Variants in OLFML2B observed in about 807,000 individuals in gnomAD.
OLFML2B encodes olfactomedin like 2B, also known as olfactomedin-like protein 2B.
Under a neutral mutation model 74.9 loss-of-function variants are expected in OLFML2B, and 57 were observed. That is an observed-to-expected ratio of 0.76 (90% CI 0.61 to 0.95). The LOEUF (loss-of-function observed/expected upper bound fraction) is 0.95, where lower values mean the gene tolerates loss of function less well. OLFML2B is among the 40% of genes least tolerant of loss of function. The pLI, the probability that OLFML2B is intolerant of heterozygous loss-of-function variation, is 0.00. For synonymous variants in OLFML2B, 388 were observed against 405.8 expected (o/e 0.96, Z 0.53); for missense variants, 986 against 970.6 (o/e 1.02, Z -0.21).
chr1:161,999,512 G>A (rs540285216), intron 5 of OLFML2B, among the ~76,000 whole-genome samples: 6 of 152,244 alleles, frequency 3.9e-5, no homozygotes, highest in African/African-American at 7.2e-5. Flanking sequence ...GGAAGGACTC[G>A]CTCAGACATA....
rs863224949 is a variant in OLFML2B, at chr1:161,984,911, C to A, written c.1544G>T (p.Gly515Val). The change falls in exon 7 of 8, where the codon GGG (glycine) becomes GTG (valine). Residue 515 changes from glycine (G) to valine (V), a missense_variant. Coordinates refer to ENST00000294794, the MANE Select transcript of OLFML2B (RefSeq NM_015441.3). The part of the protein sequence containing the change: ...TTQNTYGRNE[G>V]AWMKDPLAKD... ...GGCCAGGGGGTCCTTCATCCAGGCCCCTTCATTCCGCCCATATGTGTTCTG... is the reference window on the plus strand; with the variant it reads ...GGCCAGGGGGTCCTTCATCCAGGCCACTTCATTCCGCCCATATGTGTTCTG... 1.9e-6 allele frequency: 3 copies of A among 1,611,608 alleles called. No homozygotes were observed. Among genetic ancestry groups the A allele is most frequent in the Non-Finnish European group, 1.7e-6 (2 of 1,179,484 alleles).
At chr1:161,986,109 T>C (rs17452765) in intron 6 of OLFML2B, among the ~76,000 whole-genome samples, 31,222 of 152,044 alleles carry the variant, frequency 0.21, 3,385 homozygotes, top group African/African-American at 0.24. Context: ...GAGAGCCACA[T>C]GAATGCTGCC....
At chr1:162,004,964 C>T (rs1367438579) in intron 4 of OLFML2B, among the ~76,000 whole-genome samples, 2 of 152,252 alleles carry the variant, frequency 1.3e-5, no homozygotes, top group Admixed American at 1.3e-4. Context: ...CTCTTAAATG[C>T]TGCCATCCCC....
intron 3 of OLFML2B, among the ~76,000 whole-genome samples, chr1:162,006,971 A>G (rs1690253941): frequency 6.6e-6 from 1 of 152,254 alleles, no homozygotes; most frequent in South Asian, 2.1e-4. Flanking sequence ...CTGCCTTTTT[A>G]GTGAGCACAA....
intron 5 of OLFML2B, 141 bp downstream of exon 5, chr1:161,999,972 T>G: frequency 1.5e-6 from 1 of 678,790 alleles, no homozygotes; most frequent in Non-Finnish European, 2.5e-6. Flanking sequence ...CAGTGAGAGC[T>G]CTGGATAACA....
Position 162,000,395 on chromosome 1 carries a change from G to A in OLFML2B, c.724-57C>T, listed in dbSNP as rs1558060168. ...AGGTCACTGGTCAGAGAGGCAGTGG[G>A]CAGGTGGGGGCAAGGCTGGAGCCAA... On this transcript the variant is annotated intron_variant, in intron 4 of 7. Coordinates refer to ENST00000294794, the MANE Select transcript of OLFML2B (RefSeq NM_015441.3). The A allele has an allele frequency of 4.8e-6, 7 of 1,443,510 alleles. No individual in the cohort carries two copies. The South Asian group carries it at 5.9e-5, about 12-fold the overall frequency. 89.4% of individuals were successfully genotyped at this position (1,443,510 alleles called of 1,614,324 possible).
chr1:162,007,273 C>A (rs746096983), intron 3 of OLFML2B, among the ~76,000 whole-genome samples: 7 of 152,162 alleles, frequency 4.6e-5, no homozygotes, highest in Non-Finnish European at 1.0e-4. Flanking sequence ...TAACTGGAGA[C>A]AGACAAACCA....
At chr1:162,012,158 A>G (rs966296585) in intron 3 of OLFML2B, among the ~76,000 whole-genome samples, 2 of 152,116 alleles carry the variant, frequency 1.3e-5, no homozygotes, top group Non-Finnish European at 2.9e-5. Flanking sequence ...CTTGAGGAAG[A>G]AGAGTGAAAT....
rs1690229371 is a variant in OLFML2B, at chr1:162,006,326, C to T, written c.694G>A (p.Asp232Asn). 2 of 1,601,646 alleles carry T rather than the reference C, an allele frequency of 1.2e-6. No homozygotes were observed. Among genetic ancestry groups the T allele is most frequent in the Admixed American group, 3.5e-5 (2 of 56,870 alleles). ...MPDIRSALQR[D>N]AAAAYAHPEY... ...GGGTGGGCGTAGGCTGCTGCTGCATCCCTCTGCAGGGCTGAGCGGATGTCT... is the reference window on the plus strand; with the variant it reads ...GGGTGGGCGTAGGCTGCTGCTGCATTCCTCTGCAGGGCTGAGCGGATGTCT... Residue 232 changes from aspartate (D) to asparagine (N), a missense_variant, in exon 4 of 8, where the codon GAT (aspartate) becomes AAT (asparagine). By Grantham distance (23) the Asp-to-Asn change is conservative. Transcript: ENST00000294794.
chr1:162,011,817 C>A (rs1690397145), intron 3 of OLFML2B, among the ~76,000 whole-genome samples: 1 of 152,184 alleles, frequency 6.6e-6, no homozygotes, highest in African/African-American at 2.4e-5. Flanking sequence ...AATCTTACCC[C>A]TTAAAATAGA....
Position 161,983,673 on chromosome 1 carries a change from T to C in OLFML2B, c.*2A>G, listed in dbSNP as rs1689489776. The C allele has an allele frequency of 6.2e-7, 1 of 1,600,116 alleles. No homozygotes were observed. Among genetic ancestry groups the C allele is most frequent in the African/African-American group, 1.3e-5 (1 of 74,638 alleles). The stretch of plus-strand genomic sequence containing the variant: ...GTGCTTCTGCTTGTGGGGACAAGGG[T>C]GTCAGTAGGCAAAGATGACATGGTA... On this transcript the variant is annotated 3_prime_UTR_variant, in exon 8 of 8. Transcript: ENST00000294794.
chr1:162,013,155 C>T (rs2101974821), intron 3 of OLFML2B, among the ~76,000 whole-genome samples: 1 of 152,294 alleles, frequency 6.6e-6, no homozygotes, highest in Non-Finnish European at 1.5e-5. Flanking sequence ...TACAGGTTTT[C>T]TTTCTAGACT....
At chr1:162,003,939 T>C (rs1690150172) in intron 4 of OLFML2B, among the ~76,000 whole-genome samples, 1 of 152,186 alleles carries the variant, frequency 6.6e-6, no homozygotes, top group Non-Finnish European at 1.5e-5. Flanking sequence ...AGGATTGTGC[T>C]AACTTCAGCA....
chr1:161,984,196 T>C lies in OLFML2B; in HGVS notation c.1732A>G (p.Asn578Asp), dbSNP rs1398620260. 6.3e-7 allele frequency: 1 copy of C among 1,591,900 alleles called. No homozygotes were observed. Among genetic ancestry groups the C allele is most frequent in the Non-Finnish European group, 8.6e-7 (1 of 1,169,336 alleles). ...ATGATGTTGCGGGTGAAGGCGCGAT[T>C]GTAGTAGAAGGCGCCATTGTATACC... Reference protein sequence around the residue: ...HVVYNGAFYYNRAFTRNIIKY... With the variant: ...HVVYNGAFYYDRAFTRNIIKY... Residue 578 changes from asparagine to aspartate, a missense_variant, in exon 8 of 8, where the codon AAT (asparagine) becomes GAT (aspartate). Transcript: ENST00000294794.
intron 3 of OLFML2B, among the ~76,000 whole-genome samples, chr1:162,012,584 G>C (rs1456634696): frequency 2.0e-5 from 3 of 152,230 alleles, no homozygotes; most frequent in African/African-American, 7.2e-5. Flanking sequence ...TGCCATCTAT[G>C]CTCATGGGTG....
At position 162,023,522 on chromosome 1, in the gene OLFML2B, A is replaced by G; in HGVS notation, c.-92T>C. The G allele has an allele frequency of 7.8e-7, 1 of 1,282,734 alleles. No individual in the cohort carries two copies. The highest frequency in any genetic ancestry group is 1.0e-6 in the Non-Finnish European group (1 of 974,998). 79.5% of individuals were successfully genotyped at this position (1,282,734 alleles called of 1,614,324 possible). A position where few individuals can be genotyped will look rare whatever the true frequency, so the allele number is the denominator to read the frequency against. On this transcript the variant is annotated 5_prime_UTR_variant, in exon 1 of 8. Transcript: ENST00000294794. ...ACTTCTGCGAGAGGGTGTCCTCGCT[A>G]GAGCCCGAAAGTGGCTGCTGAGAGC... is the stretch of plus-strand genomic sequence containing the variant.
chr1:162,013,597 A>G (rs567118390), intron 3 of OLFML2B, among the ~76,000 whole-genome samples: 42 of 152,296 alleles, frequency 2.8e-4, no homozygotes, highest in African/African-American at 1.0e-3. Context: ...GAAGATAAGC[A>G]TAACTAATGC....
In OLFML2B at chr1:161,997,930, C is replaced by G. The variant is rs545383060; in HGVS notation, c.1369G>C (p.Val457Leu). ...MHTVPVPPTTVRTDSLGKDAP... is the reference protein window; with the variant it reads ...MHTVPVPPTTLRTDSLGKDAP... ...TCTTTCCCCAGCGAGTCTGTTCTGA[C>G]TGTGGTGGGAGGCACTGGGACTGTG... Residue 457 changes from valine to leucine, a missense_variant, in exon 6 of 8, where the codon GTC becomes CTC. Physicochemically the swap from Val to Leu is conservative, Grantham distance 32. Transcript: ENST00000294794. The G allele has an allele frequency of 1.3e-5, 21 of 1,614,236 alleles. No individual in the cohort carries two copies. In the African/African-American group the frequency reaches 1.7e-4, roughly 13 times the overall value.
intron 6 of OLFML2B, among the ~76,000 whole-genome samples, chr1:161,993,213 T>G (rs1021736922): frequency 3.3e-5 from 5 of 152,248 alleles, no homozygotes; most frequent in African/African-American, 1.2e-4. Context: ...TGGGCCCCGA[T>G]GCTCTTGTTG....
Sources: gnomAD v4.1 joint callset for allele counts (sites outside exome capture counted in the v4.1 genomes callset) on GRCh38, gnomAD v4.1.1 for gene constraint, MANE v1.5 for transcripts, NCBI Gene and HGNC (gene_info 2026-07-23, HGNC 2026-07-21) for gene names.